SMYD3: variants seen among roughly 807,000 people sequenced by gnomAD.
The protein encoded by SMYD3 is histone-lysine N-methyltransferase SMYD3.
A neutral mutation model predicts 57.7 loss-of-function variants in SMYD3; 36 were observed. That is an observed-to-expected ratio of 0.62 (90% CI 0.48 to 0.82). The LOEUF is 0.82. Ranked by LOEUF, SMYD3 falls within the 40% of genes least tolerant of loss-of-function variation. SMYD3 has a pLI of 0.00. For missense variants in SMYD3, 515 were observed against 538.8 expected (o/e 0.96, Z 0.44); for synonymous variants, 211 against 195.0 (o/e 1.08, Z -0.68).
chr1:246,108,637 G>A (rs567193767), intron 5 of SMYD3: 1 of 152,132 alleles, frequency 6.6e-6, no homozygotes, highest in African/African-American at 2.4e-5. Context: ...TTAGTTACTA[G>A]AATGTTTTTC....
intron 7 of SMYD3, 67 bp from the exon 8 acceptor site, chr1:245,915,707 T>C: frequency 9.9e-7 from 1 of 1,009,692 alleles, no homozygotes; most frequent in South Asian, 1.6e-5. Context: ...CAAATGGTTA[T>C]TATTATTGCT....
chr1:245,797,032 GAGGAAATTGCTTC>G (rs1042871963), intron 10 of SMYD3, among the ~76,000 whole-genome samples: 40 of 152,354 alleles, frequency 2.6e-4, no homozygotes, highest in African/African-American at 9.4e-4. Context: ...TCAGGCTATA[GAGGAAATTGCTTC>G]TTTGGTAGTG....
At chr1:246,400,876 C>T (rs955545657) in intron 1 of SMYD3, among the ~76,000 whole-genome samples, 7 of 151,884 alleles carry the variant, frequency 4.6e-5, no homozygotes, top group Non-Finnish European at 8.8e-5. Flanking sequence ...ATGTTTTCTT[C>T]GGAAAACACT....
At chr1:245,994,406 T>C (rs1277181288) in intron 5 of SMYD3, among the ~76,000 whole-genome samples, 1 of 152,194 alleles carries the variant, frequency 6.6e-6, no homozygotes, top group Non-Finnish European at 1.5e-5. Flanking sequence ...GGACACACGA[T>C]GAGAGGCCCT....
chr1:245,815,255 A>T (rs997214589), intron 10 of SMYD3, among the ~76,000 whole-genome samples: 4 of 152,244 alleles, frequency 2.6e-5, no homozygotes, highest in Non-Finnish European at 4.4e-5. Context: ...AACTGTTAAC[A>T]AATGGAACGT....
At chr1:246,099,956 T>C (rs1353493837) in intron 5 of SMYD3, among the ~76,000 whole-genome samples, 1 of 152,214 alleles carries the variant, frequency 6.6e-6, no homozygotes, top group Non-Finnish European at 1.5e-5. Context: ...GAGTGGGCGA[T>C]TTAAAATCAT....
At chr1:246,000,263 T>C (rs990775740) in intron 5 of SMYD3, among the ~76,000 whole-genome samples, 1 of 152,120 alleles carries the variant, frequency 6.6e-6, no homozygotes, top group Non-Finnish European at 1.5e-5. Context: ...GCTGGCAAGA[T>C]GATGACACAT....
At chr1:246,480,911 G>A (rs894962206) in intron 1 of SMYD3, among the ~76,000 whole-genome samples, 1 of 151,848 alleles carries the variant, frequency 6.6e-6, no homozygotes, top group Non-Finnish European at 1.5e-5. Context: ...CGATTCTCCT[G>A]CCTCAGCCTC....
chr1:246,087,151 A>T (rs2147868030), intron 5 of SMYD3, among the ~76,000 whole-genome samples: 1 of 152,272 alleles, frequency 6.6e-6, no homozygotes, highest in Admixed American at 6.5e-5. Flanking sequence ...AGCTCCCCCC[A>T]TGATTCAGAA....
chr1:246,433,034 CTCTT>C (rs764491559), intron 1 of SMYD3, among the ~76,000 whole-genome samples: 1 of 152,192 alleles, frequency 6.6e-6, no homozygotes, highest in Non-Finnish European at 1.5e-5. Flanking sequence ...CAAACTCTCT[CTCTT>C]TGCAGACAAT....
At chr1:246,241,226 G>C (rs2063602158) in intron 5 of SMYD3, among the ~76,000 whole-genome samples, 2 of 152,154 alleles carry the variant, frequency 1.3e-5, no homozygotes, top group Non-Finnish European at 1.5e-5. Context: ...CTGGCTGTGG[G>C]TTTGTCATAA....
chr1:246,058,241 T>A (rs1163989623), intron 5 of SMYD3, among the ~76,000 whole-genome samples: 1 of 151,610 alleles, frequency 6.6e-6, no homozygotes, highest in Non-Finnish European at 1.5e-5. Flanking sequence ...TAATGAAGAG[T>A]CCATGGAGGT....
chr1:246,324,416 CAAAAAAAAAA>C (rs897518368), intron 5 of SMYD3, among the ~76,000 whole-genome samples: 11 of 42,620 alleles, frequency 2.6e-4, no homozygotes, highest in African/African-American at 6.8e-4. Flanking sequence ...AACTCCATCT[CAAAAAAAAAA>C]AAAAAAAAAA....
At position 246,507,257 on chromosome 1, in the gene SMYD3, C is replaced by G; in HGVS notation, c.-40G>C. 6.9e-7 allele frequency: 1 copy of G among 1,455,902 alleles called. No individual in the cohort carries two copies. The highest frequency in any genetic ancestry group is 2.9e-5 in the East Asian group (1 of 34,208). The allele number at this position is 1,455,902 out of a possible 1,614,324, so 90.2% of individuals were successfully genotyped here. ...GGCACCTCAGACGGCTACCCGCGTC[C>G]AGCAGCGGGCGTCTCACGGGCTGCC... On this transcript the variant is annotated 5_prime_UTR_variant, in exon 1 of 12. Coordinates refer to ENST00000490107, the MANE Select transcript of SMYD3 (RefSeq NM_001167740.2).
Position 246,203,480 on chromosome 1 carries a change from A to C in SMYD3, c.531+123721T>G, listed in dbSNP as rs542328674. 6.6e-6 allele frequency among the ~76,000 whole-genome samples: 1 copy of C among 152,326 alleles called. No individual in the cohort carries two copies. The highest frequency in any genetic ancestry group is 2.4e-5 in the African/African-American group (1 of 41,582). ...TTCTGGAGTCTGGAAGTTCAAGATG[A>C]AAGTATCTATAGGTTTGGTTTCCTC... On this transcript the variant is annotated intron_variant, in intron 5 of 11. Coordinates refer to ENST00000490107, the MANE Select transcript of SMYD3 (RefSeq NM_001167740.2). The surrounding 1 kb of genome is among the most constrained non-coding windows in gnomAD (Gnocchi z 4.6).
At chr1:246,332,087 A>G (rs2065470603) in intron 3 of SMYD3, among the ~76,000 whole-genome samples, 1 of 152,250 alleles carries the variant, frequency 6.6e-6, no homozygotes. Flanking sequence ...ATGACCTATA[A>G]GTGAAAGGAC....
At chr1:245,859,998 T>A (rs901374625) in intron 9 of SMYD3, among the ~76,000 whole-genome samples, 1 of 152,218 alleles carries the variant, frequency 6.6e-6, no homozygotes, top group African/African-American at 2.4e-5. Context: ...GAGTTCCAGG[T>A]GTCAGAGACA....
intron 1 of SMYD3, among the ~76,000 whole-genome samples, chr1:246,435,195 A>C (rs565453315): frequency 6.6e-6 from 1 of 152,210 alleles, no homozygotes; most frequent in Non-Finnish European, 1.5e-5. Context: ...CAAGGATTGA[A>C]AAATTATTGG....
At chr1:245,880,677 A>T (rs2052734156) in intron 8 of SMYD3, among the ~76,000 whole-genome samples, 1 of 152,222 alleles carries the variant, frequency 6.6e-6, no homozygotes, top group Non-Finnish European at 1.5e-5. Context: ...AAAGTGGTGG[A>T]GAAGGACTTG....
Sources: allele counts gnomAD v4.1 joint callset (sites outside exome capture counted in the v4.1 genomes callset), GRCh38; gene constraint gnomAD v4.1.1; non-coding constraint Gnocchi (gnomAD v3.1); transcripts MANE v1.5; gene names NCBI Gene and HGNC (gene_info 2026-07-23, HGNC 2026-07-21).